Variants in GPC6 observed in about 807,000 individuals in gnomAD.
GPC6 encodes the protein glypican 6, also known as glypican-6.
In GPC6, 14 loss-of-function variants were observed where a neutral mutation model predicts 55.2. The ratio of observed to expected loss-of-function variants is 0.25; its 90% CI spans 0.17 to 0.40. The LOEUF (loss-of-function observed/expected upper bound fraction) is 0.40, where lower values mean the gene tolerates loss of function less well. Among genes scored for constraint, GPC6 ranks in the 10% least tolerant of loss-of-function variants. The probability of loss-of-function intolerance (pLI) is 1.00; values close to 1 mark genes in which losing one functional copy is unlikely to be tolerated. For missense variants in GPC6, 641 were observed against 708.5 expected (o/e 0.90, Z 1.08); for synonymous variants, 278 against 259.6 (o/e 1.07, Z -0.68).
intron 1 of GPC6, among the ~76,000 whole-genome samples, chr13:93,257,878 G>A (rs188315484): frequency 3.1e-4 from 47 of 152,272 alleles, no homozygotes; most frequent in African/African-American, 1.0e-3. Context: ...ACCCTGTAAT[G>A]CAATTCTTTC....
At chr13:93,546,936 A>C (rs1376158732) in intron 2 of GPC6, among the ~76,000 whole-genome samples, 1 of 152,092 alleles carries the variant, frequency 6.6e-6, no homozygotes, top group Non-Finnish European at 1.5e-5. Flanking sequence ...ATTCCAGGAC[A>C]GTATTCATGG....
intron 3 of GPC6, among the ~76,000 whole-genome samples, chr13:93,861,958 A>AGCT (rs1888826591): frequency 6.6e-6 from 1 of 151,638 alleles, no homozygotes; most frequent in African/African-American, 2.4e-5. Flanking sequence ...GCCTGCCCTG[A>AGCT]GCTGCTGCTA....
At chr13:94,383,594 TAATATA>T (rs1224424269) in intron 7 of GPC6, among the ~76,000 whole-genome samples, 1 of 152,208 alleles carries the variant, frequency 6.6e-6, no homozygotes, top group East Asian at 1.9e-4. Flanking sequence ...CTTTGGCTAT[TAATATA>T]AAGTGCATGG....
intron 2 of GPC6, among the ~76,000 whole-genome samples, chr13:93,672,480 T>C (rs184503490): frequency 7.0e-4 from 106 of 152,084 alleles, no homozygotes; most frequent in African/African-American, 2.5e-3. Flanking sequence ...TTTGATGATA[T>C]GTAGAAAAAG....
intron 1 of GPC6, among the ~76,000 whole-genome samples, chr13:93,293,869 AG>A (rs1412751773): frequency 2.0e-5 from 3 of 151,172 alleles, no homozygotes; most frequent in African/African-American, 7.4e-5. Context: ...CTAGGAGCAC[AG>A]GGGAGACAAA....
At chr13:94,264,400 A>T (rs1891733650) in intron 4 of GPC6, among the ~76,000 whole-genome samples, 1 of 152,190 alleles carries the variant, frequency 6.6e-6, no homozygotes, top group Admixed American at 6.6e-5. Flanking sequence ...CTGGAGTTGG[A>T]AGTAGGTCGT....
chr13:94,240,998 G>A (rs554377274), intron 4 of GPC6, among the ~76,000 whole-genome samples: 39 of 152,292 alleles, frequency 2.6e-4, no homozygotes, highest in African/African-American at 9.4e-4. Flanking sequence ...ATGTTTGTGT[G>A]TCCCCAAAAT....
intron 3 of GPC6, among the ~76,000 whole-genome samples, chr13:93,984,660 A>G (rs1240214054): frequency 2.6e-5 from 4 of 152,178 alleles, no homozygotes; most frequent in African/African-American, 4.8e-5. Flanking sequence ...CATTTTTGTT[A>G]AAGAATCTTC....
chr13:93,614,572 T>G (rs551615666), intron 2 of GPC6, among the ~76,000 whole-genome samples: 3 of 152,282 alleles, frequency 2.0e-5, no homozygotes, highest in African/African-American at 7.2e-5. Context: ...GCTCAGTCAA[T>G]GTGAGATGTG....
intron 4 of GPC6, among the ~76,000 whole-genome samples, chr13:94,238,918 G>A (rs1890964550): frequency 6.6e-6 from 1 of 152,108 alleles, no homozygotes; most frequent in Non-Finnish European, 1.5e-5. Flanking sequence ...GAGCAAGGCT[G>A]GAAAGCAGAA....
At chr13:93,358,501 C>G (rs2139173936) in intron 1 of GPC6, among the ~76,000 whole-genome samples, 1 of 152,230 alleles carries the variant, frequency 6.6e-6, no homozygotes, top group East Asian at 1.9e-4. Context: ...AATGAAGGAA[C>G]CAGCCACAGG....
chr13:93,249,556 A>G (rs1297074996), intron 1 of GPC6, among the ~76,000 whole-genome samples: 5 of 152,182 alleles, frequency 3.3e-5, no homozygotes, highest in Non-Finnish European at 2.9e-5. Context: ...GACTTTTGGG[A>G]AAAAAATGTT....
chr13:94,086,187 A>G lies in GPC6; in HGVS notation c.877+58293A>G, dbSNP rs116431377. 6.6e-3 allele frequency among the ~76,000 whole-genome samples: 1,011 copies of G among 152,332 alleles called. 10 individuals carry two copies. Among genetic ancestry groups the G allele is most frequent in the African/African-American group, 0.022 (910 of 41,574 alleles). ...CATATTTTATTGGAAAAAAAGGTTT[A>G]GAAAAGAGGATTACATAAAGATTCT... is the stretch of plus-strand genomic sequence containing the variant. On this transcript the variant is annotated intron_variant, in intron 4 of 8. Transcript: ENST00000377047.
At chr13:93,596,760 A>G (rs111543438) in intron 2 of GPC6, among the ~76,000 whole-genome samples, 7,242 of 148,334 alleles carry the variant, frequency 0.049, 519 homozygotes, top group African/African-American at 0.16. Flanking sequence ...ATATATGTAT[A>G]TGTGTATATA....
At chr13:93,649,309 T>C (rs148620785) in intron 2 of GPC6, among the ~76,000 whole-genome samples, 1,931 of 152,136 alleles carry the variant, frequency 0.013, 87 homozygotes, top group Admixed American at 0.071. Context: ...AACATTAGCC[T>C]GGTCTGGTGG....
chr13:94,123,091 A>T (rs1886691838), intron 4 of GPC6, among the ~76,000 whole-genome samples: 2 of 152,148 alleles, frequency 1.3e-5, no homozygotes, highest in Admixed American at 1.3e-4. Flanking sequence ...TATATGAGTT[A>T]TATTATAAAT....
chr13:93,577,648 C>T (rs1049233736), intron 2 of GPC6, among the ~76,000 whole-genome samples: 10 of 151,942 alleles, frequency 6.6e-5, no homozygotes, highest in Non-Finnish European at 1.2e-4. Context: ...CGTTTGCATA[C>T]AAGGCTAATT....
intron 2 of GPC6, among the ~76,000 whole-genome samples, chr13:93,599,740 T>C (rs1877930969): frequency 6.6e-6 from 1 of 152,164 alleles, no homozygotes; most frequent in Admixed American, 6.5e-5. Flanking sequence ...AAAATGAAAA[T>C]GCCAAAATGA....
intron 1 of GPC6, among the ~76,000 whole-genome samples, chr13:93,251,948 C>T (rs986550137): frequency 6.6e-6 from 1 of 152,168 alleles, no homozygotes; most frequent in Non-Finnish European, 1.5e-5. Flanking sequence ...ACATCTCTCT[C>T]ATCTCATTTT....
Sources: gnomAD v4.1 joint callset for allele counts (sites outside exome capture counted in the v4.1 genomes callset) on GRCh38, gnomAD v4.1.1 for gene constraint, MANE v1.5 for transcripts, NCBI Gene and HGNC (gene_info 2026-07-23, HGNC 2026-07-21) for gene names.